Variants in SYNRG observed in about 807,000 individuals in gnomAD.
SYNRG encodes the protein synergin gamma.
A neutral mutation model predicts 130.9 loss-of-function variants in SYNRG; 37 were observed. The ratio of observed to expected loss-of-function variants is 0.28; its 90% CI spans 0.22 to 0.37. SYNRG has a LOEUF of 0.37. Among genes scored for constraint, SYNRG ranks in the 10% least tolerant of loss-of-function variants. SYNRG has a pLI of 1.00. For synonymous variants in SYNRG, 539 were observed against 568.1 expected (o/e 0.95, Z 0.73); for missense variants, 1,338 against 1,588.9 (o/e 0.84, Z 2.68).
chr17:37,590,874 C>G (rs1323295889), intron 3 of SYNRG, among the ~76,000 whole-genome samples: 1 of 151,980 alleles, frequency 6.6e-6, no homozygotes, highest in South Asian at 2.1e-4. Flanking sequence ...GAGTCGAGAT[C>G]GCGCCACTGC....
intron 16 of SYNRG, among the ~76,000 whole-genome samples, chr17:37,539,782 G>T (rs1784842561): frequency 6.6e-6 from 1 of 152,246 alleles, no homozygotes; most frequent in Admixed American, 6.5e-5. Flanking sequence ...GCTTCCCCCT[G>T]TGAGTGTTGC....
intron 3 of SYNRG, among the ~76,000 whole-genome samples, chr17:37,592,669 C>G (rs1212933681): frequency 1.3e-5 from 2 of 152,086 alleles, no homozygotes; most frequent in Non-Finnish European, 2.9e-5. Context: ...AACGCCAAAC[C>G]CAAAAGGTTA....
At chr17:37,600,216 G>A in intron 2 of SYNRG, 147 bp downstream of exon 2, 1 of 625,000 alleles carries the variant, frequency 1.6e-6, no homozygotes, top group Non-Finnish European at 2.7e-6. Context: ...AAGAGTAGCT[G>A]TCATATAGGA....
chr17:37,542,493 T>C lies in SYNRG; in HGVS notation c.2681A>G (p.Tyr894Cys), dbSNP rs1438279174. 2.7e-5 allele frequency: 43 copies of C among 1,613,646 alleles called. No homozygotes were observed. The highest frequency in any genetic ancestry group is 3.6e-5 in the Non-Finnish European group (43 of 1,180,042). The change falls in exon 15 of 22, where the codon TAT becomes TGT. Residue 894 changes from tyrosine (Y) to cysteine (C), a missense_variant. Tyr to Cys is a radical substitution (Grantham distance 194). This residue lies in a region of SYNRG where 1,146 missense variants were observed against 1,342.3 expected (regional missense o/e 0.85). Coordinates refer to ENST00000612223, the MANE Select transcript of SYNRG (RefSeq NM_007247.6). ...SNFAVSTLTSYDWSDRDDATQ... is the reference protein window; with the variant it reads ...SNFAVSTLTSCDWSDRDDATQ... ...TGCATCATCCCTGTCTGACCAGTCA[T>C]AGCTTGTAAGTGTGCTCACTGCAAA...
chr17:37,598,171 A>C (rs1168432228), intron 2 of SYNRG, among the ~76,000 whole-genome samples: 2 of 152,234 alleles, frequency 1.3e-5, no homozygotes, highest in Non-Finnish European at 1.5e-5. Context: ...ATAACAAAAA[A>C]ATAAGTACAT....
chr17:37,545,451 C>A (rs774125821), intron 14 of SYNRG, among the ~76,000 whole-genome samples: 1 of 152,012 alleles, frequency 6.6e-6, no homozygotes, highest in Non-Finnish European at 1.5e-5. Context: ...AAAGATAGCT[C>A]CAGTTCAAAC....
Position 37,516,470 on chromosome 17 carries a change from T to C in SYNRG, c.*2470A>G, listed in dbSNP as rs1262547090. Reference sequence around the variant, plus strand: ...TCCCAAGGAGTGACTAAGCCTACCATCCTTGGTAAGGAAAATGGGGATTAT... The same window carrying C: ...TCCCAAGGAGTGACTAAGCCTACCACCCTTGGTAAGGAAAATGGGGATTAT... On this transcript the variant is annotated 3_prime_UTR_variant, in exon 22 of 22. Transcript: ENST00000612223. 1 of 152,126 alleles carries C rather than the reference T, an allele frequency of 6.6e-6. No homozygotes were observed. The highest frequency in any genetic ancestry group is 1.9e-4 in the East Asian group (1 of 5,202). 9.4% of individuals were successfully genotyped at this position (152,126 alleles called of 1,614,324 possible).
chr17:37,597,809 C>A (rs1364476336), intron 2 of SYNRG, among the ~76,000 whole-genome samples: 5 of 152,186 alleles, frequency 3.3e-5, no homozygotes, highest in Non-Finnish European at 4.4e-5. Context: ...AAAACAAAAT[C>A]CCTACATAGT....
chr17:37,596,351 A>C lies in SYNRG; in HGVS notation c.119-7T>G. 1.9e-6 allele frequency: 3 copies of C among 1,613,374 alleles called. No homozygotes were observed. The Admixed American group carries it at 5.0e-5, about 27-fold the overall frequency. On this transcript the variant is annotated splice_region_variant and splice_polypyrimidine_tract_variant and intron_variant, in intron 2 of 21. Transcript: ENST00000612223. ...TGCATCGGCATCAGGCCTGCTGAAA[A>C]TATAAAGACATTATTAAAGTCAATG...
rs370791933 is a variant in SYNRG at position 37,542,111 on chromosome 17, C to T, written c.3063G>A (p.Ser1021=). 46 of 1,614,068 alleles carry T rather than the reference C, an allele frequency of 2.8e-5. No homozygotes were observed. The highest frequency in any genetic ancestry group is 6.7e-5 in the African/African-American group (5 of 74,904). Residue 1021 remains serine, a synonymous_variant, in exon 15 of 22, where the codon TCG becomes TCA. Transcript: ENST00000612223. ...CACTTTGAAACTCTCCAAAGTCATC[C>T]GAACATTCGTTCGGGGTTTCTTGAG... The part of the protein sequence containing the change: ...GASQETPNEC[S]DDFGEFQSEK...
chr17:37,567,029 T>C (rs2060049347), intron 11 of SYNRG: 1 of 152,230 alleles, frequency 6.6e-6, no homozygotes, highest in Non-Finnish European at 1.5e-5. Flanking sequence ...AGGTGGGAAT[T>C]GGTTAGGAAA....
intron 11 of SYNRG, chr17:37,568,145 A>C (rs1331478493): frequency 6.6e-6 from 1 of 152,350 alleles, no homozygotes; most frequent in Non-Finnish European, 1.5e-5. Flanking sequence ...TGGAGGTTGC[A>C]GTGAGCCGAG....
At chr17:37,589,617 C>T (rs112792976) in intron 3 of SYNRG, among the ~76,000 whole-genome samples, 2,478 of 151,948 alleles carry the variant, frequency 0.016, 42 homozygotes, top group Non-Finnish European at 0.024. Flanking sequence ...GGCGTGGTGG[C>T]GGGCGCCTGT....
chr17:37,605,924 T>C (rs1158641582), intron 1 of SYNRG: 4 of 985,328 alleles, frequency 4.1e-6, no homozygotes, highest in Middle Eastern at 5.2e-4. Context: ...GACTTCCTAA[T>C]GGATCTCCCC....
intron 7 of SYNRG, 47 bp downstream of exon 7, chr17:37,577,333 C>T (rs775381066): frequency 6.5e-7 from 1 of 1,545,658 alleles, no homozygotes; most frequent in South Asian, 1.1e-5. Context: ...AGCATTTGAG[C>T]AACATTTGGT....
chr17:37,592,752 G>A (rs191861365), intron 3 of SYNRG, among the ~76,000 whole-genome samples: 2 of 152,354 alleles, frequency 1.3e-5, no homozygotes, highest in Admixed American at 1.3e-4. Flanking sequence ...GAATGCAAAA[G>A]GAGTAAGGTG....
chr17:37,561,171 C>A (rs539912120), intron 13 of SYNRG, 24 bp downstream of exon 13: 1 of 1,585,772 alleles, frequency 6.3e-7, no homozygotes, highest in East Asian at 2.2e-5. Flanking sequence ...AATAATTTAT[C>A]CTTTTGAGGA....
At chr17:37,565,972 GCCCCCTGCCCGGC>G (rs1379823920) in intron 11 of SYNRG, among the ~76,000 whole-genome samples, 2 of 150,466 alleles carry the variant, frequency 1.3e-5, no homozygotes, top group African/African-American at 5.0e-5. Flanking sequence ...GGGGGGGTCA[GCCCCCTGCCCGGC>G]CAGCCGCCCC....
chr17:37,531,743 T>G (rs957037636), intron 19 of SYNRG, among the ~76,000 whole-genome samples: 1 of 151,708 alleles, frequency 6.6e-6, no homozygotes, highest in Non-Finnish European at 1.5e-5. Context: ...CACGTCATTG[T>G]GCTCCAGCAT....
Sources: allele counts gnomAD v4.1 joint callset (sites outside exome capture counted in the v4.1 genomes callset), GRCh38; gene constraint gnomAD v4.1.1; regional missense constraint gnomAD v4.1.1; transcripts MANE v1.5; gene names NCBI Gene and HGNC (gene_info 2026-07-23, HGNC 2026-07-21).